Variants in SUPT3H observed in about 807,000 individuals in gnomAD.
SUPT3H encodes the protein SPT3 homolog, SAGA and STAGA complex component, also known as transcription initiation protein SPT3 homolog.
SUPT3H carries 44 observed loss-of-function variants against 44.3 expected under a neutral mutation model. The observed-to-expected ratio is 0.99, with a 90% confidence interval of 0.78 to 1.28. SUPT3H has a LOEUF of 1.28. Ranked by LOEUF, SUPT3H falls within the 50% of genes most tolerant of loss-of-function variation. The pLI is 0.00. For missense variants in SUPT3H, 380 were observed against 387.1 expected (o/e 0.98, Z 0.15); for synonymous variants, 124 against 125.6 (o/e 0.99, Z 0.09).
intron 10 of SUPT3H, among the ~76,000 whole-genome samples, chr6:44,888,633 T>C (rs1762742472): frequency 6.6e-6 from 1 of 152,048 alleles, no homozygotes; most frequent in South Asian, 2.1e-4. Context: ...ACAAGAGCTA[T>C]CTATGACAAA....
chr6:45,209,171 T>C (rs1763688354), intron 2 of SUPT3H, among the ~76,000 whole-genome samples: 1 of 152,202 alleles, frequency 6.6e-6, no homozygotes, highest in Non-Finnish European at 1.5e-5. Flanking sequence ...GGTGGAGATA[T>C]ACGAGGAGAT....
chr6:45,142,477 CTGTA>C (rs1331563448), intron 2 of SUPT3H, among the ~76,000 whole-genome samples: 1 of 151,970 alleles, frequency 6.6e-6, no homozygotes, highest in African/African-American at 2.4e-5. Flanking sequence ...TGGCTCACGT[CTGTA>C]ATTCCAGCAC....
intron 1 of SUPT3H, among the ~76,000 whole-genome samples, chr6:45,366,694 AAGTTG>A (rs1461840659): frequency 3.3e-5 from 5 of 152,150 alleles, no homozygotes; most frequent in Non-Finnish European, 5.9e-5. Context: ...GCTTCTTTAT[AAGTTG>A]AGTTTTCACT....
intron 10 of SUPT3H, among the ~76,000 whole-genome samples, chr6:44,913,910 A>G (rs929403199): frequency 6.6e-5 from 10 of 152,180 alleles, no homozygotes; most frequent in Admixed American, 4.6e-4. Flanking sequence ...TGTGATTTTC[A>G]TAACAAATGT....
At chr6:44,853,213 T>G (rs1188858143) in intron 10 of SUPT3H, among the ~76,000 whole-genome samples, 1 of 152,170 alleles carries the variant, frequency 6.6e-6, no homozygotes, top group African/African-American at 2.4e-5. Context: ...GTTATATAAC[T>G]TGCCCAAAGT....
chr6:45,283,342 C>T (rs930649427), intron 2 of SUPT3H, among the ~76,000 whole-genome samples: 26 of 152,160 alleles, frequency 1.7e-4, no homozygotes, highest in East Asian at 1.5e-3. Context: ...AGGAAACCCA[C>T]CTCACGTGCA....
rs575481536 is a variant in SUPT3H, at chr6:45,219,239, T to C, written c.102-113233A>G. Among the ~76,000 whole-genome samples, 41 of 151,984 alleles carry C rather than the reference T, an allele frequency of 2.7e-4. 1 individual carries two copies. The highest frequency in any genetic ancestry group is 4.2e-4 in the South Asian group (2 of 4,808). On this transcript the variant is annotated intron_variant, in intron 2 of 10. Coordinates refer to ENST00000371459, the MANE Select transcript of SUPT3H (RefSeq NM_003599.4). ...TAAGCAGGTAGATGGAAGGAAATCA[T>C]AAAGATAAGACACAGAATTTAAAGT...
intron 2 of SUPT3H, among the ~76,000 whole-genome samples, chr6:45,108,013 A>G (rs1250705948): frequency 6.6e-6 from 1 of 152,250 alleles, no homozygotes; most frequent in Non-Finnish European, 1.5e-5. Flanking sequence ...AATGGAGAAA[A>G]GTTATCAATC....
intron 2 of SUPT3H, among the ~76,000 whole-genome samples, chr6:45,210,245 G>C (rs545331646): frequency 6.6e-6 from 1 of 152,174 alleles, no homozygotes; most frequent in East Asian, 1.9e-4. Context: ...AAGATAAAAA[G>C]CTACATACTC....
intron 10 of SUPT3H, among the ~76,000 whole-genome samples, chr6:44,890,105 A>G (rs1308594986): frequency 6.6e-6 from 1 of 151,554 alleles, no homozygotes; most frequent in African/African-American, 2.4e-5. Context: ...AAAGTCAGGA[A>G]GCAACACGTG....
chr6:44,973,473 C>T (rs898877390), intron 6 of SUPT3H, among the ~76,000 whole-genome samples: 1 of 152,198 alleles, frequency 6.6e-6, no homozygotes, highest in African/African-American at 2.4e-5. Flanking sequence ...AACTTTCCTA[C>T]ATCTTCATGT....
At chr6:45,255,988 G>C (rs774596777) in intron 2 of SUPT3H, among the ~76,000 whole-genome samples, 1 of 152,038 alleles carries the variant, frequency 6.6e-6, no homozygotes, top group African/African-American at 2.4e-5. Context: ...TGGCTAACAC[G>C]GTGAAACCCC....
At chr6:44,867,842 C>T (rs1195021819) in intron 10 of SUPT3H, among the ~76,000 whole-genome samples, 1 of 152,216 alleles carries the variant, frequency 6.6e-6, no homozygotes, top group Non-Finnish European at 1.5e-5. Context: ...AGTTTCATTC[C>T]AGTAACCGTT....
intron 3 of SUPT3H, among the ~76,000 whole-genome samples, chr6:45,090,058 T>C (rs888211248): frequency 1.3e-5 from 2 of 152,054 alleles, no homozygotes; most frequent in African/African-American, 4.8e-5. Flanking sequence ...TGATATAATA[T>C]CAACCAATAG....
intron 3 of SUPT3H, among the ~76,000 whole-genome samples, chr6:45,084,393 T>G (rs1447164213): frequency 6.6e-6 from 1 of 152,026 alleles, no homozygotes; most frequent in Non-Finnish European, 1.5e-5. Context: ...TGAAAAAAAT[T>G]TCCATATCAT....
intron 2 of SUPT3H, among the ~76,000 whole-genome samples, chr6:45,113,632 A>C (rs1284979): frequency 0.87 from 132,633 of 151,908 alleles, 58,166 homozygotes; most frequent in African/African-American, 0.92. Context: ...TCCAGACCAG[A>C]CTGGCCAACA....
chr6:44,844,856 C>T lies in SUPT3H; in HGVS notation c.913-14999G>A, dbSNP rs182209088. On this transcript the variant is annotated intron_variant, in intron 10 of 10. Coordinates refer to ENST00000371459, the MANE Select transcript of SUPT3H (RefSeq NM_003599.4). The stretch of plus-strand genomic sequence containing the variant: ...GGCTATATACATTTGTCAAAATCAT[C>T]AAACTATATATTTTAAAAGAATGAA... Among the ~76,000 whole-genome samples, 11 of 152,168 alleles carry T rather than the reference C, an allele frequency of 7.2e-5. No homozygotes were observed. The East Asian group carries it at 1.9e-3, about 27-fold the overall frequency.
At chr6:45,348,674 CAAA>C (rs574845659) in intron 2 of SUPT3H, among the ~76,000 whole-genome samples, 2 of 76,014 alleles carry the variant, frequency 2.6e-5, no homozygotes, top group Non-Finnish European at 2.4e-5. Context: ...AACTCCAACT[CAAA>C]AAAAAAAAAA....
intron 3 of SUPT3H, among the ~76,000 whole-genome samples, chr6:45,029,993 T>C (rs766856636): frequency 1.6e-4 from 24 of 152,140 alleles, no homozygotes; most frequent in Non-Finnish European, 3.4e-4. Context: ...TCGAACTCCT[T>C]GGCTCAAGTG....
Sources: gnomAD v4.1 joint callset for allele counts (sites outside exome capture counted in the v4.1 genomes callset) on GRCh38, gnomAD v4.1.1 for gene constraint, MANE v1.5 for transcripts, NCBI Gene and HGNC (gene_info 2026-07-23, HGNC 2026-07-21) for gene names.